The following FEZ2 variants were observed in gnomAD, a reference collection of about 807,000 sequenced individuals.
FEZ2 encodes fasciculation and elongation protein zeta-2.
Under a neutral mutation model 40.4 loss-of-function variants are expected in FEZ2, and 51 were observed. The ratio of observed to expected loss-of-function variants is 1.26; its 90% CI spans 1.01 to 1.59. The LOEUF is 1.59. FEZ2 is among the 40% of genes most tolerant of loss of function. The probability of loss-of-function intolerance (pLI) is 0.00; values close to 1 mark genes in which losing one functional copy is unlikely to be tolerated. For missense variants in FEZ2, 640 were observed against 438.3 expected, an observed-to-expected ratio of 1.46 and a Z score of -4.11; for synonymous variants, 242 against 172.0, an observed-to-expected ratio of 1.41 and a Z score of -3.18.
chr2:36,581,240 T>G lies in FEZ2; in HGVS notation c.634+50A>C. On this transcript the variant is annotated intron_variant, in intron 4 of 7. Coordinates refer to ENST00000405912, the MANE Select transcript of FEZ2 (RefSeq NM_005102.3). ...TCTGGAGATGATCATACTATACATT[T>G]GATACAGACAAAAAGCACAGAAATC... is the stretch of plus-strand genomic sequence containing the variant. 3 of 1,556,526 alleles carry G rather than the reference T, an allele frequency of 1.9e-6. No homozygotes were observed. In the East Asian group the frequency reaches 6.7e-5, roughly 35 times the overall value.
intron 4 of FEZ2, among the ~76,000 whole-genome samples, chr2:36,580,782 G>T (rs896681420): frequency 3.9e-5 from 6 of 152,084 alleles, no homozygotes; most frequent in African/African-American, 1.2e-4. Flanking sequence ...TACAGTATAT[G>T]GTCTTTAAAG....
chr2:36,562,871 T>C (rs2125222595), intron 5 of FEZ2, among the ~76,000 whole-genome samples: 1 of 152,334 alleles, frequency 6.6e-6, no homozygotes, highest in East Asian at 1.9e-4. Flanking sequence ...GAGTACTTGT[T>C]TTTAAGTACT....
At chr2:36,584,656 C>A (rs80302438) in intron 2 of FEZ2, among the ~76,000 whole-genome samples, 1,969 of 152,264 alleles carry the variant, frequency 0.013, 46 homozygotes, top group African/African-American at 0.045. Context: ...CCATGTCATT[C>A]TATTACATAG....
rs761331706 is a variant in FEZ2, at chr2:36,578,869, T to C, written c.635-4A>G. 4 of 1,603,376 alleles carry C rather than the reference T, an allele frequency of 2.5e-6. No homozygotes were observed. The highest frequency in any genetic ancestry group is 1.3e-5 in the African/African-American group (1 of 74,176). On this transcript the variant is annotated splice_polypyrimidine_tract_variant and splice_region_variant and intron_variant, in intron 4 of 7. Transcript: ENST00000405912. ...GACACTGAGAGCCTTTTCACTCCTG[T>C]GACCAAAAGCAAAATACAGCAGATA...
chr2:36,562,091 G>A (rs1668108669), intron 5 of FEZ2, among the ~76,000 whole-genome samples: 1 of 152,206 alleles, frequency 6.6e-6, no homozygotes, highest in Admixed American at 6.5e-5. Flanking sequence ...CAGACTGAAT[G>A]CAGAAGCACA....
chr2:36,591,161 G>A (rs1669061284), intron 1 of FEZ2, 150 bp from the exon 2 acceptor site: 3 of 624,046 alleles, frequency 4.8e-6, no homozygotes, highest in South Asian at 2.0e-5. Context: ...CAACAAAGTA[G>A]AGTCTCCTAA....
At chr2:36,556,983 G>A (rs1441814990) in intron 6 of FEZ2, 1 of 152,114 alleles carries the variant, frequency 6.6e-6, no homozygotes, top group African/African-American at 2.4e-5. Flanking sequence ...TCTCGATGCT[G>A]GAATTATGAT....
chr2:36,598,090 C>A lies in FEZ2; in HGVS notation c.53G>T (p.Arg18Leu), dbSNP rs1286516275. Residue 18 changes from arginine (R) to leucine (L), a missense_variant, in exon 1 of 8, where the codon CGG becomes CTG. Coordinates refer to ENST00000405912, the MANE Select transcript of FEZ2 (RefSeq NM_005102.3). ...QDFYEFQEPA[R>L]SLLDQENCNA... ...ACAGTTCTCCTGGTCCAGGAGGCTC[C>A]GGGCCGGCTCCTGGAACTCATAGAA... 6.7e-7 allele frequency: 1 copy of A among 1,496,740 alleles called. No homozygotes were observed. The highest frequency in any genetic ancestry group is 8.9e-7 in the Non-Finnish European group (1 of 1,129,560). The allele number at this position is 1,496,740 out of a possible 1,614,324, so 92.7% of individuals were successfully genotyped here.
chr2:36,583,218 A>C lies in FEZ2; in HGVS notation c.492+135T>G, dbSNP rs182125796. 1.7e-3 allele frequency: 937 copies of C among 551,128 alleles called. 3 individuals are homozygous for C. Among genetic ancestry groups the C allele is most frequent in the Non-Finnish European group, 2.4e-3 (753 of 308,152 alleles). 34.1% of individuals were successfully genotyped at this position (551,128 alleles called of 1,614,324 possible). A position where few individuals can be genotyped will look rare whatever the true frequency, so the allele number is the denominator to read the frequency against. ...CTTATTTTTCTCTGTGGAAGAGTTA[A>C]CTATTAAGCCTGTATAACCAGAAAA... On this transcript the variant is annotated intron_variant, in intron 3 of 7. Transcript: ENST00000405912.
intron 5 of FEZ2, among the ~76,000 whole-genome samples, chr2:36,559,965 A>G (rs1001098452): frequency 7.2e-5 from 11 of 152,376 alleles, no homozygotes; most frequent in African/African-American, 1.7e-4. Context: ...TACCTGCAGT[A>G]AAAACTCCAG....
At chr2:36,574,102 T>G (rs961108251) in intron 5 of FEZ2, among the ~76,000 whole-genome samples, 1 of 152,200 alleles carries the variant, frequency 6.6e-6, no homozygotes, top group Non-Finnish European at 1.5e-5. Flanking sequence ...CCAAAGGGAA[T>G]TGTCTAGTAG....
At chr2:36,590,363 C>A (rs111973014) in intron 2 of FEZ2, 72,660 of 151,664 alleles carry the variant, frequency 0.48, 18,719 homozygotes, top group East Asian at 0.84. Flanking sequence ...TTCAGTGCAC[C>A]AAATTTTACT....
chr2:36,558,503 G>A lies in FEZ2; in HGVS notation c.914C>T (p.Thr305Ile). ...RSHMPGTYLT[T>I]VIPYEKKNGP... is the part of the protein sequence containing the mutation. ...GTTTTTTTTCTCATAAGGAATGACT[G>A]TAGTCAAATACTGCCAAGTTTAAAA... The change falls in exon 6 of 8, where the codon ACA becomes ATA. Residue 305 changes from threonine to isoleucine, a missense_variant. By Grantham distance (89) the Thr-to-Ile change is moderately conservative. Transcript: ENST00000405912. 6.6e-7 allele frequency: 1 copy of A among 1,506,190 alleles called. No homozygotes were observed. The highest frequency in any genetic ancestry group is 2.5e-5 in the East Asian group (1 of 40,044). 93.3% of individuals were successfully genotyped at this position (1,506,190 alleles called of 1,614,324 possible).
chr2:36,590,867 G>A (rs745681307), intron 2 of FEZ2, 36 bp downstream of exon 2: 15 of 1,129,268 alleles, frequency 1.3e-5, no homozygotes, highest in Non-Finnish European at 1.9e-5. Context: ...ATCAGCATCA[G>A]TTATTCAAAC....
At chr2:36,555,646 C>G (rs765492760) in intron 7 of FEZ2, 37 bp downstream of exon 7, 9 of 1,249,214 alleles carry the variant, frequency 7.2e-6, no homozygotes, top group Admixed American at 6.6e-5. Context: ...TAATCCAAAC[C>G]TCCCAGCCAT....
chr2:36,590,630 C>A (rs964953586), intron 2 of FEZ2: 4 of 330,902 alleles, frequency 1.2e-5, no homozygotes, highest in Non-Finnish European at 2.2e-5. Flanking sequence ...GTACTCCAGC[C>A]TGGGCAACAG....
chr2:36,596,273 C>A (rs372404029), intron 1 of FEZ2, among the ~76,000 whole-genome samples: 1 of 152,338 alleles, frequency 6.6e-6, no homozygotes, highest in East Asian at 1.9e-4. Context: ...AGGCCCCACT[C>A]CCAAGGCTGT....
chr2:36,575,520 C>G lies in FEZ2; in HGVS notation c.903+3077G>C, dbSNP rs957056705. Among the ~76,000 whole-genome samples, 3 of 152,280 alleles carry G rather than the reference C, an allele frequency of 2.0e-5. No homozygotes were observed. The East Asian group carries it at 5.8e-4, about 29-fold the overall frequency. On this transcript the variant is annotated intron_variant, in intron 5 of 7. Coordinates refer to ENST00000405912, the MANE Select transcript of FEZ2 (RefSeq NM_005102.3). ...GAAGAACACCTGCCACAGGAAAGCA[C>G]TCCACAAATCCTTGCTGAATGAATG...
At chr2:36,594,898 T>C (rs1016608463) in intron 1 of FEZ2, among the ~76,000 whole-genome samples, 1 of 152,054 alleles carries the variant, frequency 6.6e-6, no homozygotes, top group South Asian at 2.1e-4. Flanking sequence ...CAACTAACAG[T>C]CTCCACCAAG....
Sources: allele counts gnomAD v4.1 joint callset (sites outside exome capture counted in the v4.1 genomes callset), GRCh38; gene constraint gnomAD v4.1.1; transcripts MANE v1.5; gene names NCBI Gene and HGNC (gene_info 2026-07-23, HGNC 2026-07-21).